The following HDAC9 variants were observed in gnomAD, a reference collection of about 807,000 sequenced individuals.
HDAC9 encodes MEF-2 interacting transcription repressor (MITR) protein.
Under a neutral mutation model 139.4 loss-of-function variants are expected in HDAC9, and 41 were observed. The observed-to-expected ratio is 0.29, with a 90% CI of 0.23 to 0.38. The LOEUF is 0.38. HDAC9 is among the 10% of genes least tolerant of loss of function. The pLI, the probability that HDAC9 is intolerant of heterozygous loss-of-function variation, is 1.00. For missense variants in HDAC9, 1,147 were observed against 1,297.0 expected, an observed-to-expected ratio of 0.88 and a Z score of 1.78; for synonymous variants, 517 against 476.2, an observed-to-expected ratio of 1.09 and a Z score of -1.12.
chr7:18,111,893 T>G (rs374613991), intron 1 of HDAC9, among the ~76,000 whole-genome samples: 1 of 152,138 alleles, frequency 6.6e-6, no homozygotes, highest in Non-Finnish European at 1.5e-5. Context: ...AGTAGAGTGG[T>G]GTATGTACAA....
chr7:18,249,399 A>G (rs1232727992), intron 2 of HDAC9, among the ~76,000 whole-genome samples: 4 of 145,256 alleles, frequency 2.8e-5, no homozygotes, highest in Non-Finnish European at 6.0e-5. Flanking sequence ...GCTAGTCGGG[A>G]GGCTGAGGTG....
intron 2 of HDAC9, among the ~76,000 whole-genome samples, chr7:18,500,380 C>T (rs78004946): frequency 2.2e-3 from 332 of 152,256 alleles, no homozygotes; most frequent in African/African-American, 7.2e-3. Flanking sequence ...ATCCCTGTCA[C>T]CCAATATATT....
intron 22 of HDAC9, among the ~76,000 whole-genome samples, chr7:18,909,749 C>G (rs1802581036): frequency 6.6e-6 from 1 of 151,978 alleles, no homozygotes; most frequent in South Asian, 2.1e-4. Context: ...CTACTTTTGT[C>G]AGAAATCAGT....
intron 25 of HDAC9, among the ~76,000 whole-genome samples, chr7:18,991,507 G>T (rs536005135): frequency 6.6e-6 from 1 of 152,084 alleles, no homozygotes; most frequent in Non-Finnish European, 1.5e-5. Context: ...TGTGGTGGCA[G>T]GCACCTGTAG....
At chr7:18,106,141 T>A (rs1783187101) in intron 1 of HDAC9, among the ~76,000 whole-genome samples, 1 of 152,186 alleles carries the variant, frequency 6.6e-6, no homozygotes, top group Admixed American at 6.5e-5. Context: ...ATGGGGCTGA[T>A]GGCTGTATAC....
At chr7:18,609,254 G>A (rs753060217) in intron 6 of HDAC9, among the ~76,000 whole-genome samples, 1 of 152,172 alleles carries the variant, frequency 6.6e-6, no homozygotes. Context: ...CTAGCTGCAT[G>A]TTGCCACTTG....
intron 2 of HDAC9, among the ~76,000 whole-genome samples, chr7:18,275,115 C>T (rs1324959484): frequency 6.6e-6 from 1 of 152,172 alleles, no homozygotes; most frequent in Non-Finnish European, 1.5e-5. Flanking sequence ...TTGCTCTACA[C>T]ACAGTGTTTC....
chr7:18,955,180 G>T, intron 24 of HDAC9, among the ~76,000 whole-genome samples: 1 of 152,228 alleles, frequency 6.6e-6, no homozygotes, highest in East Asian at 1.9e-4. Context: ...ATGCTGGGGT[G>T]CACTATTCAA....
At chr7:18,888,417 T>A (rs1800370330) in intron 22 of HDAC9, among the ~76,000 whole-genome samples, 1 of 152,098 alleles carries the variant, frequency 6.6e-6, no homozygotes, top group African/African-American at 2.4e-5. Flanking sequence ...AGAGCGAGAC[T>A]CCGTCTCAAA....
At chr7:18,301,875 A>G (rs1280209369) in intron 1 of HDAC9, among the ~76,000 whole-genome samples, 2 of 152,210 alleles carry the variant, frequency 1.3e-5, no homozygotes, top group Non-Finnish European at 2.9e-5. Context: ...TGTGTTTTCT[A>G]TATTCCCTCT....
chr7:18,492,136 T>G (rs887974540), upstream of HDAC9, among the ~76,000 whole-genome samples: 3 of 151,962 alleles, frequency 2.0e-5, no homozygotes, highest in Non-Finnish European at 4.4e-5. Context: ...GCTTTCAAGA[T>G]TTCATATTTG....
At chr7:18,994,347 T>C (rs1282488768) in intron 25 of HDAC9, among the ~76,000 whole-genome samples, 3 of 152,244 alleles carry the variant, frequency 2.0e-5, no homozygotes, top group Admixed American at 6.5e-5. Context: ...TATGAATTAG[T>C]TTCAAAACTT....
At chr7:18,404,394 T>C (rs1363556674) in intron 1 of HDAC9, among the ~76,000 whole-genome samples, 3 of 152,152 alleles carry the variant, frequency 2.0e-5, no homozygotes, top group Admixed American at 1.3e-4. Context: ...AAGAGCAATG[T>C]CACATTAGAA....
chr7:18,489,866 A>T (rs562202219), intron 1 of HDAC9, among the ~76,000 whole-genome samples: 2 of 152,114 alleles, frequency 1.3e-5, no homozygotes, highest in South Asian at 4.1e-4. Flanking sequence ...GCAACTGGAA[A>T]ACACTCAGAA....
intron 1 of HDAC9, among the ~76,000 whole-genome samples, chr7:18,421,296 A>G (rs183848260): frequency 6.6e-6 from 1 of 152,130 alleles, no homozygotes; most frequent in Non-Finnish European, 1.5e-5. Context: ...AAAATCTTTT[A>G]TCTCAAAACT....
intron 1 of HDAC9, among the ~76,000 whole-genome samples, chr7:18,144,982 T>G (rs118089599): frequency 5.9e-4 from 90 of 152,340 alleles, no homozygotes; most frequent in Admixed American, 2.2e-3. Flanking sequence ...GAAGTCAGCT[T>G]GTCATCACCG....
At chr7:18,908,186 A>G (rs1334256116) in intron 22 of HDAC9, among the ~76,000 whole-genome samples, 2 of 152,076 alleles carry the variant, frequency 1.3e-5, no homozygotes, top group Non-Finnish European at 2.9e-5. Flanking sequence ...AGCCACATCA[A>G]TTATAGTGCC....
intron 16 of HDAC9, among the ~76,000 whole-genome samples, chr7:18,773,419 C>A (rs997524169): frequency 1.3e-5 from 2 of 148,232 alleles, no homozygotes; most frequent in African/African-American, 2.5e-5. Flanking sequence ...ACAAAAGCAC[C>A]TATTTCCACC....
chr7:18,549,390 A>T (rs1447347881), intron 2 of HDAC9, among the ~76,000 whole-genome samples: 1 of 152,236 alleles, frequency 6.6e-6, no homozygotes, highest in Non-Finnish European at 1.5e-5. Context: ...ACTCAAAACA[A>T]TAAACATTCA....
Sources: gnomAD v4.1 joint callset for allele counts (sites outside exome capture counted in the v4.1 genomes callset) on GRCh38, gnomAD v4.1.1 for gene constraint, MANE v1.5 for transcripts, NCBI Gene and HGNC (gene_info 2026-07-23, HGNC 2026-07-21) for gene names.